The following KIAA1328 variants were observed in gnomAD, a reference collection of about 807,000 sequenced individuals.
The protein encoded by KIAA1328 is KIAA1328.
Under a neutral mutation model 68.1 loss-of-function variants are expected in KIAA1328, and 52 were observed. The ratio of observed to expected loss-of-function variants is 0.76; its 90% CI spans 0.61 to 0.96. The LOEUF (loss-of-function observed/expected upper bound fraction) is 0.96, where lower values mean the gene tolerates loss of function less well. KIAA1328 is among the 40% of genes least tolerant of loss of function. The pLI, the probability that KIAA1328 is intolerant of heterozygous loss-of-function variation, is 0.00. For synonymous variants in KIAA1328, 232 were observed against 239.4 expected (o/e 0.97, Z 0.28); for missense variants, 641 against 677.6 (o/e 0.95, Z 0.60).
At chr18:36,860,112 A>G (rs377633069) in intron 4 of KIAA1328, among the ~76,000 whole-genome samples, 14 of 152,190 alleles carry the variant, frequency 9.2e-5, no homozygotes, top group East Asian at 1.9e-4. Flanking sequence ...TTTGATAGCT[A>G]TCTGAATTGA....
At chr18:37,217,867 CT>C (rs1182706876) in intron 9 of KIAA1328, among the ~76,000 whole-genome samples, 1 of 152,290 alleles carries the variant, frequency 6.6e-6, no homozygotes, top group East Asian at 1.9e-4. Context: ...TTGTTCGTTT[CT>C]TTTTACTCTT....
In KIAA1328 at chr18:36,829,127, G is replaced by C. The variant is rs1161552755; in HGVS notation, c.-12G>C. The C allele has an allele frequency of 6.5e-7, 1 of 1,532,512 alleles. No individual in the cohort carries two copies. Among genetic ancestry groups the C allele is most frequent in the African/African-American group, 1.4e-5 (1 of 70,854 alleles). 94.9% of individuals were successfully genotyped at this position (1,532,512 alleles called of 1,614,324 possible). A position where few individuals can be genotyped will look rare whatever the true frequency, so the allele number is the denominator to read the frequency against. On this transcript the variant is annotated 5_prime_UTR_variant, in exon 1 of 10. Transcript: ENST00000280020. ...GCCCAGGCGCGACGCCCCGAGTGGC[G>C]GTTGTTTCAAGATGGCGGACGTGGC...
intron 7 of KIAA1328, among the ~76,000 whole-genome samples, chr18:37,098,392 G>T (rs868791249): frequency 2.0e-5 from 3 of 152,162 alleles, no homozygotes; most frequent in Non-Finnish European, 4.4e-5. Flanking sequence ...ATTTGTGTAT[G>T]TTGAACCAGC....
intron 7 of KIAA1328, among the ~76,000 whole-genome samples, chr18:37,087,991 G>T (rs1025248426): frequency 6.6e-6 from 1 of 152,156 alleles, no homozygotes; most frequent in East Asian, 1.9e-4. Context: ...AGGAGGACAC[G>T]TTGGCTTTTC....
At chr18:36,849,684 A>G (rs2047148741) in intron 4 of KIAA1328, among the ~76,000 whole-genome samples, 4 of 152,078 alleles carry the variant, frequency 2.6e-5, no homozygotes, top group African/African-American at 4.8e-5. Flanking sequence ...ATATTTGAGT[A>G]CAAGTTTTGT....
intron 6 of KIAA1328, among the ~76,000 whole-genome samples, chr18:37,035,795 A>G (rs1281130041): frequency 1.3e-5 from 2 of 152,222 alleles, no homozygotes; most frequent in African/African-American, 2.4e-5. Context: ...CACACACAAT[A>G]AAAGAGTCCT....
At chr18:36,928,195 G>A (rs893291435) in intron 5 of KIAA1328, among the ~76,000 whole-genome samples, 3 of 152,142 alleles carry the variant, frequency 2.0e-5, no homozygotes, top group African/African-American at 7.2e-5. Flanking sequence ...TATGGTGGTG[G>A]TGATAGTGCT....
At chr18:37,015,637 A>C (rs936206794) in intron 6 of KIAA1328, among the ~76,000 whole-genome samples, 1 of 152,018 alleles carries the variant, frequency 6.6e-6, no homozygotes, top group Non-Finnish European at 1.5e-5. Flanking sequence ...ATGAGCATGG[A>C]ATGTTTTTTC....
chr18:36,954,755 T>C (rs535054325), intron 5 of KIAA1328, among the ~76,000 whole-genome samples: 1 of 151,140 alleles, frequency 6.6e-6, no homozygotes, highest in African/African-American at 2.4e-5. Context: ...AGTGCAGTGT[T>C]GCGATCTCAA....
intron 9 of KIAA1328, among the ~76,000 whole-genome samples, chr18:37,174,061 C>T (rs919868707): frequency 3.9e-5 from 6 of 152,090 alleles, no homozygotes; most frequent in African/African-American, 1.4e-4. Flanking sequence ...CAATAGCTAC[C>T]ATCTATTAAG....
intron 9 of KIAA1328, among the ~76,000 whole-genome samples, chr18:37,187,104 C>T (rs935575875): frequency 6.6e-6 from 1 of 151,708 alleles, no homozygotes; most frequent in Non-Finnish European, 1.5e-5. Context: ...GCAGAGGTTA[C>T]AGTGAGCTGA....
intron 9 of KIAA1328, 52 bp from the exon 10 acceptor site, chr18:37,221,965 T>C: frequency 6.4e-7 from 1 of 1,558,428 alleles, no homozygotes; most frequent in Non-Finnish European, 8.7e-7. Flanking sequence ...CTTCTTGAAT[T>C]CTCATTTTCT....
At chr18:37,193,444 A>G in intron 9 of KIAA1328, 1 of 610,060 alleles carries the variant, frequency 1.6e-6, no homozygotes, top group Admixed American at 2.7e-5. Context: ...TGTAAATTAG[A>G]GTTAGGTCAA....
chr18:37,123,770 A>C (rs2058327481), intron 7 of KIAA1328, among the ~76,000 whole-genome samples: 1 of 152,150 alleles, frequency 6.6e-6, no homozygotes, highest in East Asian at 1.9e-4. Flanking sequence ...GAGTGGAACA[A>C]CCGTTTGTAC....
intron 5 of KIAA1328, among the ~76,000 whole-genome samples, chr18:36,909,076 A>G (rs2049328177): frequency 6.6e-6 from 1 of 152,084 alleles, no homozygotes; most frequent in East Asian, 1.9e-4. Flanking sequence ...CCTTCTGTTG[A>G]CTTTGAGTAT....
chr18:36,996,950 G>C (rs2053415291), intron 6 of KIAA1328, among the ~76,000 whole-genome samples: 1 of 152,052 alleles, frequency 6.6e-6, no homozygotes, highest in Non-Finnish European at 1.5e-5. Context: ...CGTGCGCATT[G>C]GATTTGTTTT....
chr18:37,016,397 A>C (rs893159662), intron 6 of KIAA1328, among the ~76,000 whole-genome samples: 2 of 151,926 alleles, frequency 1.3e-5, no homozygotes, highest in Admixed American at 6.6e-5. Context: ...CAGGATTTTT[A>C]TGTCTGTCTT....
At chr18:36,912,231 C>A (rs1245679180) in intron 5 of KIAA1328, among the ~76,000 whole-genome samples, 1 of 152,042 alleles carries the variant, frequency 6.6e-6, no homozygotes, top group African/African-American at 2.4e-5. Context: ...GTCAGAAATC[C>A]AAAATCAATC....
chr18:37,221,452 G>A (rs939830911), intron 9 of KIAA1328, among the ~76,000 whole-genome samples: 8 of 152,122 alleles, frequency 5.3e-5, no homozygotes, highest in East Asian at 1.9e-4. Flanking sequence ...TGAACCAAGC[G>A]TGTCTGTCTG....
Sources: allele counts gnomAD v4.1 joint callset (sites outside exome capture counted in the v4.1 genomes callset), GRCh38; gene constraint gnomAD v4.1.1; transcripts MANE v1.5; gene names NCBI Gene and HGNC (gene_info 2026-07-23, HGNC 2026-07-21).